The following RNF111 variants were observed in gnomAD, a reference collection of about 807,000 sequenced individuals.
The protein encoded by RNF111 is ring finger protein 111.
RNF111 carries 17 observed loss-of-function variants against 95.1 expected under a neutral mutation model. The ratio of observed to expected loss-of-function variants is 0.18; its 90% CI spans 0.12 to 0.27. The LOEUF (loss-of-function observed/expected upper bound fraction) is 0.27. Among genes scored for constraint, RNF111 ranks in the 10% least tolerant of loss-of-function variants. RNF111 has a pLI of 1.00. For synonymous variants in RNF111, 440 were observed against 414.8 expected (o/e 1.06, Z -0.74); for missense variants, 1,189 against 1,210.4 (o/e 0.98, Z 0.26).
chr15:59,027,018 G>T (rs1445255262), intron 1 of RNF111, among the ~76,000 whole-genome samples: 2 of 152,156 alleles, frequency 1.3e-5, no homozygotes, highest in African/African-American at 4.8e-5. Context: ...TTGGCTTTGG[G>T]ACATGAAATG....
In RNF111 at chr15:59,085,860, A is replaced by G. The variant is rs1036573862; in HGVS notation, c.2550+75A>G. ...CTAAGTATTTTATTGGAAATACTTCACTATATTAATATAGATGTTTTAATA... is the reference window on the plus strand; with the variant it reads ...CTAAGTATTTTATTGGAAATACTTCGCTATATTAATATAGATGTTTTAATA... On this transcript the variant is annotated intron_variant, in intron 10 of 13. Coordinates refer to ENST00000348370, the MANE Select transcript of RNF111 (RefSeq NM_017610.8). 3 of 1,218,556 alleles carry G rather than the reference A, an allele frequency of 2.5e-6. No homozygotes were observed. The Admixed American group carries it at 6.3e-5, about 26-fold the overall frequency. The allele number at this position is 1,218,556 out of a possible 1,614,324, so 75.5% of individuals were successfully genotyped here.
chr15:59,000,545 C>T (rs143594527), intron 1 of RNF111, among the ~76,000 whole-genome samples: 1 of 152,010 alleles, frequency 6.6e-6, no homozygotes, highest in East Asian at 1.9e-4. Flanking sequence ...AACCCTGTCT[C>T]TACGAAAAAT....
rs1333809050 is a variant in RNF111, at chr15:59,052,301, C to A, written c.881-4C>A. 5.8e-6 allele frequency: 9 copies of A among 1,553,524 alleles called. No homozygotes were observed. The highest frequency in any genetic ancestry group is 1.4e-5 in the African/African-American group (1 of 72,308). On this transcript the variant is annotated splice_region_variant and splice_polypyrimidine_tract_variant and intron_variant, in intron 2 of 13. Transcript: ENST00000348370. ...CTTTAAATGTTTTTTCTTTTTGTTT[C>A]CAGGAAGTATTGATGAAGATGTTGT...
chr15:59,076,860 C>G (rs1360469830), intron 7 of RNF111, among the ~76,000 whole-genome samples: 1 of 152,082 alleles, frequency 6.6e-6, no homozygotes, highest in Non-Finnish European at 1.5e-5. Context: ...CTGATAAACA[C>G]CAAAAATTCA....
intron 1 of RNF111, among the ~76,000 whole-genome samples, chr15:59,019,378 G>A (rs910896531): frequency 3.3e-5 from 5 of 152,206 alleles, no homozygotes; most frequent in African/African-American, 1.2e-4. Flanking sequence ...GGCCTGATAT[G>A]TCTGATGGTA....
rs762251507 is a variant in RNF111, at chr15:59,031,190, G to C, written c.368G>C (p.Gly123Ala). Residue 123 changes from glycine to alanine, a missense_variant, in exon 2 of 14, where the codon GGG becomes GCG. Around this residue, in one of 2 missense-constraint regions of RNF111, gnomAD observed 1,024 missense variants for 925.9 expected, o/e 1.11. Coordinates refer to ENST00000348370, the MANE Select transcript of RNF111 (RefSeq NM_017610.8). ...ATATTAGGACTGAGGCAACACCTAG[G>C]GACACCAAGTGATGAAGATAATGAT... ...QGILGLRQHL[G>A]TPSDEDNDSS... is the part of the protein sequence containing the mutation. 4 of 1,614,142 alleles carry C rather than the reference G, an allele frequency of 2.5e-6. No homozygotes were observed. Among genetic ancestry groups the C allele is most frequent in the South Asian group, 1.1e-5 (1 of 91,076 alleles).
intron 6 of RNF111, among the ~76,000 whole-genome samples, chr15:59,068,222 A>G (rs2042751576): frequency 2.0e-5 from 3 of 151,348 alleles, no homozygotes; most frequent in Admixed American, 2.0e-4. Context: ...GCTGTCTCAA[A>G]AAACAACAAC....
At chr15:59,032,873 T>C (rs981361935) in intron 2 of RNF111, among the ~76,000 whole-genome samples, 2 of 152,200 alleles carry the variant, frequency 1.3e-5, no homozygotes, top group Non-Finnish European at 1.5e-5. Flanking sequence ...CTGTGTGCTC[T>C]TGCTCATGCG....
intron 5 of RNF111, among the ~76,000 whole-genome samples, chr15:59,058,954 T>C (rs1341234575): frequency 6.6e-6 from 1 of 152,128 alleles, no homozygotes; most frequent in Non-Finnish European, 1.5e-5. Context: ...ATAAGCACTT[T>C]AGAATCCAGA....
At position 59,058,409 on chromosome 15, in the gene RNF111, G is replaced by A. The variant is rs201513331; in HGVS notation, c.1225G>A (p.Ala409Thr). The change falls in exon 5 of 14, where the codon GCT becomes ACT. Residue 409 changes from alanine (A) to threonine (T), a missense_variant. Physicochemically the swap from Ala to Thr is moderately conservative, Grantham distance 58. This residue lies in a region of RNF111 where 1,024 missense variants were observed against 925.9 expected (regional missense o/e 1.11). Transcript: ENST00000348370. The stretch of plus-strand genomic sequence containing the variant: ...AAGAATGGAATCACAAGCTACTAGC[G>A]CTTCCATTAACAATTCAAATCCATC... ...SARMESQATS[A>T]SINNSNPSTS... is the part of the protein sequence containing the mutation. 1.1e-5 allele frequency: 18 copies of A among 1,614,052 alleles called. No homozygotes were observed. Among genetic ancestry groups the A allele is most frequent in the South Asian group, 8.8e-5 (8 of 91,084 alleles).
At chr15:59,037,353 A>G (rs2041229166) in intron 2 of RNF111, among the ~76,000 whole-genome samples, 1 of 152,272 alleles carries the variant, frequency 6.6e-6, no homozygotes, top group Middle Eastern at 3.4e-3. Flanking sequence ...GCAATATGTC[A>G]AGAACTCCAG....
At chr15:58,995,209 C>G (rs774311308) in intron 1 of RNF111, among the ~76,000 whole-genome samples, 21 of 152,202 alleles carry the variant, frequency 1.4e-4, no homozygotes, top group Non-Finnish European at 2.1e-4. Context: ...CTTGCCTATG[C>G]TGATCTTTAC....
chr15:59,008,504 C>T lies in RNF111; in HGVS notation c.-20+20436C>T. On this transcript the variant is annotated intron_variant, in intron 1 of 13. Transcript: ENST00000348370. ...AAGTGCTGGTATTTACAGGCGTGAG[C>T]CACCGCACTCAGCCTACCACCATTT... Among the ~76,000 whole-genome samples the T allele has an allele frequency of 1.3e-5, 2 of 152,232 alleles. 1 individual carries two copies. The highest frequency in any genetic ancestry group is 3.8e-4 in the East Asian group (2 of 5,202).
At position 59,034,612 on chromosome 15, in the gene RNF111, A is replaced by G. The variant is rs150425992; in HGVS notation, c.880+2910A>G. Among the ~76,000 whole-genome samples the G allele has an allele frequency of 1.3e-4, 20 of 152,334 alleles. No individual in the cohort carries two copies. In the East Asian group the frequency reaches 3.3e-3, roughly 25 times the overall value. On this transcript the variant is annotated intron_variant, in intron 2 of 13. Transcript: ENST00000348370. ...AAAACTATAGTTAAACTGAAATATT[A>G]ATGAGACTTAGCTCTATTATCAAGA... is the stretch of plus-strand genomic sequence containing the variant.
intron 2 of RNF111, among the ~76,000 whole-genome samples, chr15:59,040,455 C>T (rs977377688): frequency 4.6e-5 from 7 of 151,782 alleles, no homozygotes; most frequent in African/African-American, 1.7e-4. Context: ...TTTTAACAGA[C>T]AAAGCTAGAA....
chr15:59,039,819 C>T (rs1333513058), intron 2 of RNF111, among the ~76,000 whole-genome samples: 1 of 151,762 alleles, frequency 6.6e-6, no homozygotes, highest in Non-Finnish European at 1.5e-5. Flanking sequence ...CAGGTTCAAG[C>T]GATTCCCCTG....
At chr15:59,022,938 C>T (rs1181159621) in intron 1 of RNF111, among the ~76,000 whole-genome samples, 1 of 152,090 alleles carries the variant, frequency 6.6e-6, no homozygotes, top group East Asian at 1.9e-4. Flanking sequence ...CCCTGGATGA[C>T]AGAGGATCTT....
chr15:59,071,764 A>G (rs190866827), intron 6 of RNF111, among the ~76,000 whole-genome samples: 8 of 152,034 alleles, frequency 5.3e-5, no homozygotes, highest in African/African-American at 1.9e-4. Context: ...CCTCTGGTTT[A>G]TTTCCCAACT....
At chr15:59,047,419 C>T (rs1003304139) in intron 2 of RNF111, among the ~76,000 whole-genome samples, 1 of 151,962 alleles carries the variant, frequency 6.6e-6, no homozygotes, top group African/African-American at 2.4e-5. Flanking sequence ...TGCTTGAGCC[C>T]GGGAGGTCAA....
Sources: allele counts gnomAD v4.1 joint callset (sites outside exome capture counted in the v4.1 genomes callset), GRCh38; gene constraint gnomAD v4.1.1; regional missense constraint gnomAD v4.1.1; transcripts MANE v1.5; gene names NCBI Gene and HGNC (gene_info 2026-07-23, HGNC 2026-07-21).